Variants in MYLK observed in about 807,000 individuals in gnomAD.
MYLK encodes the protein myosin light chain kinase, also known as myosin light chain kinase, smooth muscle.
Under a neutral mutation model 203.4 loss-of-function variants are expected in MYLK, and 106 were observed. The ratio of observed to expected loss-of-function variants is 0.52; its 90% CI spans 0.45 to 0.61. MYLK has a LOEUF of 0.61. Ranked by LOEUF, MYLK falls within the 20% of genes least tolerant of loss-of-function variation. The pLI, the probability that MYLK is intolerant of heterozygous loss-of-function variation, is 0.00. For synonymous variants in MYLK, 867 were observed against 959.5 expected (o/e 0.90, Z 1.78); for missense variants, 2,072 against 2,442.3 (o/e 0.85, Z 3.20).
At chr3:123,748,902 C>T (rs2063103791) in intron 5 of MYLK, among the ~76,000 whole-genome samples, 1 of 152,112 alleles carries the variant, frequency 6.6e-6, no homozygotes. Context: ...GGCCCCATCT[C>T]TACTAAAAGT....
Position 123,700,096 on chromosome 3 carries a change from G to T in MYLK, c.3372C>A (p.Asp1124Glu). Residue 1124 changes from aspartate (D) to glutamate (E), a missense_variant, in exon 18 of 34, where the codon GAC becomes GAA. Around this residue, in one of 3 missense-constraint regions of MYLK, gnomAD observed 865 missense variants for 1,016.0 expected, o/e 0.85. Coordinates refer to ENST00000360304, the MANE Select transcript of MYLK (RefSeq NM_053025.4). ...GCGTCCAGATGATGGTGGCTGGGGG[G>T]TCAGAAGACACCTGGCACTGGAGCA... ...KLLLQCQVSS[D>E]PPATIIWTLN... The T allele has an allele frequency of 1.2e-6, 2 of 1,613,938 alleles. No individual in the cohort carries two copies. The highest frequency in any genetic ancestry group is 1.7e-6 in the Non-Finnish European group (2 of 1,179,986).
chr3:123,648,824 G>C lies in MYLK; in HGVS notation c.4415+147C>G, dbSNP rs1254393. The C allele has an allele frequency of 0.032, 23,272 of 736,318 alleles. 503 individuals carry two copies. The highest frequency in any genetic ancestry group is 0.068 in the Middle Eastern group (186 of 2,750). 45.6% of individuals were successfully genotyped at this position (736,318 alleles called of 1,614,324 possible). On this transcript the variant is annotated intron_variant, in intron 26 of 33. Coordinates refer to ENST00000360304, the MANE Select transcript of MYLK (RefSeq NM_053025.4). This position sits in a 1 kb window ranked among gnomAD's most constrained non-coding sequence, Gnocchi z 4.5. ...TGGGTGAGTGAGTGATGCTTTCGTG[G>C]GTCAGTCCTTTGGATCCTGCAGGAC...
At chr3:123,675,524 C>G (rs944357027) in intron 20 of MYLK, among the ~76,000 whole-genome samples, 2 of 152,212 alleles carry the variant, frequency 1.3e-5, no homozygotes, top group Non-Finnish European at 2.9e-5. Flanking sequence ...GAAGGTGGGT[C>G]TCACGGAGTC....
Position 123,640,690 on chromosome 3 carries a change from C to A in MYLK, c.4620-186G>T, listed in dbSNP as rs2058802761. ...GAAGGGTCAGGGCCTCCTGGTTTCC[C>A]ATCAGGGAACCCTGCCCTGCACCTT... On this transcript the variant is annotated intron_variant, in intron 27 of 33. Coordinates refer to ENST00000360304, the MANE Select transcript of MYLK (RefSeq NM_053025.4). The surrounding 1 kb of genome is among the most constrained non-coding windows in gnomAD (Gnocchi z 4.3). Among the ~76,000 whole-genome samples, 1 of 152,146 alleles carries A rather than the reference C, an allele frequency of 6.6e-6. No homozygotes were observed. The highest frequency in any genetic ancestry group is 2.4e-5 in the African/African-American group (1 of 41,438).
At chr3:123,665,346 A>G (rs559263592) in intron 22 of MYLK, among the ~76,000 whole-genome samples, 105 of 152,330 alleles carry the variant, frequency 6.9e-4, no homozygotes, top group Middle Eastern at 6.8e-3. Context: ...ATGAGATTCC[A>G]TCTTATTTCA....
chr3:123,626,499 T>G (rs2058154395), intron 31 of MYLK, among the ~76,000 whole-genome samples: 1 of 152,172 alleles, frequency 6.6e-6, no homozygotes, highest in African/African-American at 2.4e-5. Context: ...AAAGTGATGT[T>G]GCTCATCCCA....
At chr3:123,853,915 A>T (rs1199983476) in intron 2 of MYLK, among the ~76,000 whole-genome samples, 1 of 152,124 alleles carries the variant, frequency 6.6e-6, no homozygotes, top group East Asian at 1.9e-4. Flanking sequence ...ACATGCTTTG[A>T]CTAACAGGAC....
intron 2 of MYLK, among the ~76,000 whole-genome samples, chr3:123,859,835 T>C (rs1473192582): frequency 6.6e-6 from 1 of 152,190 alleles, no homozygotes; most frequent in Non-Finnish European, 1.5e-5. Context: ...ATGACTGGTA[T>C]CTGTTTCTGG....
intron 4 of MYLK, among the ~76,000 whole-genome samples, chr3:123,770,257 G>A (rs1035247745): frequency 1.3e-5 from 2 of 152,158 alleles, no homozygotes; most frequent in African/African-American, 4.8e-5. Context: ...CTCAGAGGCA[G>A]AGGTTGCAGT....
chr3:123,767,287 C>A (rs772084174), intron 4 of MYLK, among the ~76,000 whole-genome samples: 1 of 152,166 alleles, frequency 6.6e-6, no homozygotes, highest in African/African-American at 2.4e-5. Context: ...TCAGGCGCAG[C>A]GCAACTCATT....
At position 123,667,074 on chromosome 3, in the gene MYLK, G is replaced by C. The variant is rs1312754812; in HGVS notation, c.3703+63C>G. The C allele has an allele frequency of 1.3e-5, 19 of 1,510,812 alleles. No individual in the cohort carries two copies. In the Admixed American group the frequency reaches 3.2e-4, roughly 25 times the overall value. 93.6% of individuals were successfully genotyped at this position (1,510,812 alleles called of 1,614,324 possible). Reference sequence around the variant, plus strand: ...CATACCCAGGTGTCAGTCTAGCAAGGTAAAGGCAAAACCCCCATGGTAGAT... The same window carrying C: ...CATACCCAGGTGTCAGTCTAGCAAGCTAAAGGCAAAACCCCCATGGTAGAT... On this transcript the variant is annotated intron_variant, in intron 21 of 33. Coordinates refer to ENST00000360304, the MANE Select transcript of MYLK (RefSeq NM_053025.4).
intron 20 of MYLK, among the ~76,000 whole-genome samples, chr3:123,678,392 C>G (rs2060145441): frequency 6.6e-6 from 1 of 152,124 alleles, no homozygotes; most frequent in African/African-American, 2.4e-5. Flanking sequence ...CCACCTCCCT[C>G]CTGCACTTGT....
intron 20 of MYLK, among the ~76,000 whole-genome samples, chr3:123,672,439 T>G (rs1240178971): frequency 6.6e-6 from 1 of 152,086 alleles, no homozygotes; most frequent in Non-Finnish European, 1.5e-5. Flanking sequence ...CGTACTTTGT[T>G]AAGTCAGCCC....
chr3:123,818,562 T>C (rs533954778), intron 3 of MYLK, among the ~76,000 whole-genome samples: 2 of 152,068 alleles, frequency 1.3e-5, no homozygotes, highest in Admixed American at 1.3e-4. Flanking sequence ...TGGTGGTGCA[T>C]GCCTGTGGTC....
rs745315828 is a variant in MYLK, at chr3:123,700,080, T to C, written c.3388A>G (p.Ile1130Val). 1 of 1,613,962 alleles carries C rather than the reference T, an allele frequency of 6.2e-7. No individual in the cohort carries two copies. Reference protein sequence around the residue: ...QVSSDPPATIIWTLNGKTLKT... With the variant: ...QVSSDPPATIVWTLNGKTLKT... ...AGGGTCTTTCCGTTCAGCGTCCAGA[T>C]GATGGTGGCTGGGGGGTCAGAAGAC... The change falls in exon 18 of 34, where the codon ATC becomes GTC. Residue 1130 changes from isoleucine (I) to valine (V), a missense_variant. Ile to Val is a conservative substitution (Grantham distance 29, BLOSUM62 3). Transcript: ENST00000360304.
intron 2 of MYLK, among the ~76,000 whole-genome samples, chr3:123,844,861 T>C (rs899608276): frequency 6.6e-6 from 1 of 150,432 alleles, no homozygotes; most frequent in Non-Finnish European, 1.5e-5. Flanking sequence ...GACAGGATCT[T>C]GCTATGTTGC....
chr3:123,802,042 G>A (rs903667721), intron 3 of MYLK, among the ~76,000 whole-genome samples: 1 of 152,174 alleles, frequency 6.6e-6, no homozygotes. Context: ...CTCTCACCAT[G>A]TAATAATGTA....
chr3:123,692,946 C>A, intron 18 of MYLK, 95 bp from the exon 19 acceptor site: 1 of 1,048,908 alleles, frequency 9.5e-7, no homozygotes, highest in East Asian at 2.4e-5. Flanking sequence ...GCACGGGCAG[C>A]CTCTGGGAGC....
intron 3 of MYLK, among the ~76,000 whole-genome samples, chr3:123,826,682 C>A (rs1373703217): frequency 6.6e-6 from 1 of 152,204 alleles, no homozygotes; most frequent in Non-Finnish European, 1.5e-5. Flanking sequence ...CAAATTTGGT[C>A]AATCCATCAT....
Sources: allele counts gnomAD v4.1 joint callset (sites outside exome capture counted in the v4.1 genomes callset), GRCh38; gene constraint gnomAD v4.1.1; regional missense constraint gnomAD v4.1.1; non-coding constraint Gnocchi (gnomAD v3.1); transcripts MANE v1.5; gene names NCBI Gene and HGNC (gene_info 2026-07-23, HGNC 2026-07-21).